The following GTF2IRD1 variants were observed in gnomAD, a reference collection of about 807,000 sequenced individuals.
GTF2IRD1 encodes the protein general transcription factor II-I repeat domain-containing protein 1.
Under a neutral mutation model 113.2 loss-of-function variants are expected in GTF2IRD1, and 26 were observed. The observed-to-expected ratio is 0.23, with a 90% confidence interval of 0.17 to 0.32. The LOEUF (loss-of-function observed/expected upper bound fraction) is 0.32. GTF2IRD1 is among the 10% of genes least tolerant of loss of function. The pLI is 1.00. For missense variants in GTF2IRD1, 864 were observed against 1,280.8 expected (o/e 0.67, Z 4.97); for synonymous variants, 484 against 529.1 (o/e 0.91, Z 1.17).
In GTF2IRD1 at chr7:74,547,389, A is replaced by T. The variant is rs587749442; in HGVS notation, c.1916+103A>T. On this transcript the variant is annotated intron_variant, in intron 17 of 26. Coordinates refer to ENST00000424337, the MANE Select transcript of GTF2IRD1 (RefSeq NM_005685.4). ...ATCAAGCAATTCTTGTGCCTCAGCCACCTGAATAGCTGGGACCACAGGTGT... is the reference window on the plus strand; with the variant it reads ...ATCAAGCAATTCTTGTGCCTCAGCCTCCTGAATAGCTGGGACCACAGGTGT... 182 of 861,258 alleles carry T rather than the reference A, an allele frequency of 2.1e-4. No homozygotes were observed. The African/African-American group carries it at 2.8e-3, about 13-fold the overall frequency. 53.4% of individuals were successfully genotyped at this position (861,258 alleles called of 1,614,324 possible).
At chr7:74,487,243 G>A (rs1277510542) in intron 1 of GTF2IRD1, among the ~76,000 whole-genome samples, 1 of 152,114 alleles carries the variant, frequency 6.6e-6, no homozygotes, top group Non-Finnish European at 1.5e-5. Flanking sequence ...TCGCCATGTT[G>A]GCCAGGCTGG....
chr7:74,528,758 A>AATGG (rs587614859), intron 8 of GTF2IRD1, among the ~76,000 whole-genome samples: 1 of 52,246 alleles, frequency 1.9e-5, no homozygotes, highest in Non-Finnish European at 3.6e-5. Context: ...TGGATGGATG[A>AATGG]ATGGATGGAT....
chr7:74,515,393 T>C, intron 3 of GTF2IRD1, 48 bp from the exon 4 acceptor site: 1 of 1,550,246 alleles, frequency 6.5e-7, no homozygotes. Flanking sequence ...GAAGGCCGGG[T>C]GGTGAGACGG....
chr7:74,496,743 C>G (rs1414329475), intron 1 of GTF2IRD1, among the ~76,000 whole-genome samples: 1 of 151,994 alleles, frequency 6.6e-6, no homozygotes, highest in East Asian at 1.9e-4. Context: ...GGTGCCCCCT[C>G]CCTCTCTCCA....
chr7:74,477,024 A>G (rs1554333663), intron 1 of GTF2IRD1, among the ~76,000 whole-genome samples: 2 of 152,054 alleles, frequency 1.3e-5, no homozygotes, highest in Non-Finnish European at 2.9e-5. Flanking sequence ...TGGAATGGGG[A>G]CTAGAAGATG....
chr7:74,496,660 G>A (rs1795752030), intron 1 of GTF2IRD1, among the ~76,000 whole-genome samples: 1 of 152,048 alleles, frequency 6.6e-6, no homozygotes, highest in East Asian at 1.9e-4. Flanking sequence ...GGGTGTGTGT[G>A]TGAGTGTGCA....
intron 22 of GTF2IRD1, among the ~76,000 whole-genome samples, chr7:74,585,137 G>A (rs1801649198): frequency 1.4e-5 from 2 of 145,072 alleles, no homozygotes; most frequent in East Asian, 2.0e-4. Flanking sequence ...TTTTGAGACG[G>A]AGTCTTGCTC....
At chr7:74,519,844 C>A (rs1468449617) in intron 6 of GTF2IRD1, 125 bp downstream of exon 6, 6 of 668,174 alleles carry the variant, frequency 9.0e-6, no homozygotes, top group Non-Finnish European at 1.5e-5. Context: ...CATGTCTGGG[C>A]ATGGGAGTGG....
At chr7:74,488,044 C>G (rs995900991) in intron 1 of GTF2IRD1, among the ~76,000 whole-genome samples, 3 of 152,050 alleles carry the variant, frequency 2.0e-5, no homozygotes, top group South Asian at 4.1e-4. Flanking sequence ...ACTTTGGGAG[C>G]CCAAGGTGAG....
intron 9 of GTF2IRD1, among the ~76,000 whole-genome samples, chr7:74,533,132 C>CTTTTTT (rs1562843369): frequency 1.4e-5 from 2 of 145,212 alleles, no homozygotes; most frequent in Non-Finnish European, 1.5e-5. Context: ...TTCCATGCAT[C>CTTTTTT]ATTTTTTTTT....
rs1554350128 is a variant in GTF2IRD1, at chr7:74,536,210, C to T, written c.1344C>T (p.Ser448=). Residue 448 remains serine (S), a synonymous_variant, in exon 11 of 27, where the codon AGC becomes AGT. Transcript: ENST00000424337. ...ACACCACGAAGCTGGAGCCAGCCAG[C>T]CCGCCAGAGGACACCTCTGCAGAGG... ...TKDTTKLEPA[S]PPEDTSAEVS... is the part of the protein sequence containing the mutation. 1 of 1,613,750 alleles carries T rather than the reference C, an allele frequency of 6.2e-7. No homozygotes were observed. Among genetic ancestry groups the T allele is most frequent in the South Asian group, 1.1e-5 (1 of 91,082 alleles).
At chr7:74,553,341 AG>A (rs1308989481) in intron 17 of GTF2IRD1, among the ~76,000 whole-genome samples, 2 of 151,784 alleles carry the variant, frequency 1.3e-5, no homozygotes, top group Non-Finnish European at 2.9e-5. Context: ...CCCAGGCTGG[AG>A]TGTAGTGGCA....
chr7:74,502,083 G>A (rs559773934), intron 1 of GTF2IRD1, among the ~76,000 whole-genome samples: 29 of 152,136 alleles, frequency 1.9e-4, no homozygotes, highest in Non-Finnish European at 3.4e-4. Flanking sequence ...AGTAGCTGGC[G>A]CCACAGGCAT....
chr7:74,473,849 C>T (rs37623), intron 1 of GTF2IRD1, among the ~76,000 whole-genome samples: 15 of 151,960 alleles, frequency 9.9e-5, no homozygotes, highest in African/African-American at 2.7e-4. Flanking sequence ...CAGTGGCTCA[C>T]GCCGAGCTGG....
chr7:74,535,796 G>T (rs1404831172), intron 10 of GTF2IRD1, among the ~76,000 whole-genome samples: 2 of 152,196 alleles, frequency 1.3e-5, no homozygotes, highest in Admixed American at 1.3e-4. Flanking sequence ...CTGGCACGAT[G>T]ACATGAGAGC....
Position 74,602,595 on chromosome 7 carries a change from A to G in GTF2IRD1, c.*162A>G, listed in dbSNP as rs1478778396. The G allele has an allele frequency of 6.0e-6, 3 of 501,778 alleles. No individual in the cohort carries two copies. The highest frequency in any genetic ancestry group is 1.0e-5 in the Non-Finnish European group (3 of 288,492). The allele number at this position is 501,778 out of a possible 1,614,324, so 31.1% of individuals were successfully genotyped here. A position where few individuals can be genotyped will look rare whatever the true frequency, so the allele number is the denominator to read the frequency against. On this transcript the variant is annotated 3_prime_UTR_variant, in exon 27 of 27. Transcript: ENST00000424337. ...CTTTTTAAATAAGTAAAAAAAGAAA[A>G]AAAAAAAAAAGAGTGTTGCCTTTAC...
chr7:74,574,401 C>T (rs1183699172), intron 22 of GTF2IRD1, among the ~76,000 whole-genome samples: 1 of 151,300 alleles, frequency 6.6e-6, no homozygotes, highest in African/African-American at 2.4e-5. Context: ...GCCTTGGTTT[C>T]CCAAAGTGCT....
intron 8 of GTF2IRD1, among the ~76,000 whole-genome samples, chr7:74,528,750 G>GATGA (rs1554347802): frequency 7.5e-5 from 9 of 120,596 alleles, no homozygotes; most frequent in African/African-American, 2.9e-4. Flanking sequence ...TGGATGGATG[G>GATGA]ATGGATGAAT....
chr7:74,517,242 T>C (rs1343395794), intron 4 of GTF2IRD1, among the ~76,000 whole-genome samples: 4 of 151,592 alleles, frequency 2.6e-5, no homozygotes, highest in Non-Finnish European at 5.9e-5. Context: ...CAGGCTGGTC[T>C]CAAACTCCTG....
Sources: allele counts gnomAD v4.1 joint callset (sites outside exome capture counted in the v4.1 genomes callset), GRCh38; gene constraint gnomAD v4.1.1; transcripts MANE v1.5; gene names NCBI Gene and HGNC (gene_info 2026-07-23, HGNC 2026-07-21).